The following COL15A1 variants were observed in gnomAD, a reference collection of about 807,000 sequenced individuals.
The protein encoded by COL15A1 is collagen type XV alpha 1 chain.
A neutral mutation model predicts 165.9 loss-of-function variants in COL15A1; 111 were observed. The observed-to-expected ratio is 0.67, with a 90% CI of 0.57 to 0.78. COL15A1 has a LOEUF of 0.78. Ranked by LOEUF, COL15A1 falls within the 30% of genes least tolerant of loss-of-function variation. COL15A1 has a pLI of 0.00. For missense variants in COL15A1, 1,745 were observed against 1,789.7 expected (o/e 0.98, Z 0.45); for synonymous variants, 659 against 674.8 (o/e 0.98, Z 0.36).
intron 16 of COL15A1, among the ~76,000 whole-genome samples, chr9:99,031,982 A>G (rs1839218597): frequency 6.6e-6 from 1 of 151,942 alleles, no homozygotes; most frequent in Admixed American, 6.6e-5. Flanking sequence ...GTTGAAAGTC[A>G]TTTGCCCTTG....
rs1348258112 is a variant in COL15A1 at position 99,034,551 on chromosome 9, A to G, written c.2046A>G (p.Gly682=). The G allele has an allele frequency of 2.7e-6, 4 of 1,462,550 alleles. No individual in the cohort carries two copies. The allele number at this position is 1,462,550 out of a possible 1,614,324, so 90.6% of individuals were successfully genotyped here. Residue 682 remains glycine, a splice_region_variant and synonymous_variant, in exon 17 of 42, where the codon GGA becomes GGG. Coordinates refer to ENST00000375001, the MANE Select transcript of COL15A1 (RefSeq NM_001855.5). ...GTTTTTGTTTTTGTTTTTTTCAGGG[A>G]GCAAGAGGGCCTAATGGCTCAGTTG... ...TGLPGMKGEK[G]ARGPNGSVGE...
intron 2 of COL15A1, among the ~76,000 whole-genome samples, chr9:98,966,565 C>T (rs1837961092): frequency 6.6e-6 from 1 of 152,210 alleles, no homozygotes; most frequent in African/African-American, 2.4e-5. Flanking sequence ...CCCGGTTGTT[C>T]ACATTCTCCA....
At chr9:98,984,603 G>A (rs1316361098) in intron 2 of COL15A1, among the ~76,000 whole-genome samples, 1 of 152,210 alleles carries the variant, frequency 6.6e-6, no homozygotes, top group Non-Finnish European at 1.5e-5. Flanking sequence ...GCTTAGAGCA[G>A]GGCCTGGTGC....
intron 9 of COL15A1, among the ~76,000 whole-genome samples, chr9:99,011,060 A>T (rs72737278): frequency 6.6e-6 from 1 of 152,232 alleles, no homozygotes; most frequent in Non-Finnish European, 1.5e-5. Flanking sequence ...TGAGTTGAAG[A>T]TTAGTTATTA....
In COL15A1 at chr9:99,024,840, C is replaced by T. The variant is rs532670453; in HGVS notation, c.1855-34C>T. 4.6e-5 allele frequency: 74 copies of T among 1,600,044 alleles called. 1 individual carries two copies. The South Asian group carries it at 7.3e-4, about 16-fold the overall frequency. On this transcript the variant is annotated intron_variant, in intron 14 of 41. Coordinates refer to ENST00000375001, the MANE Select transcript of COL15A1 (RefSeq NM_001855.5). Reference sequence around the variant, plus strand: ...TACTCAGTATCTCATTCGGTATTCCCCCACTGTTTCTAACAGAGTCTTTGT... The same window carrying T: ...TACTCAGTATCTCATTCGGTATTCCTCCACTGTTTCTAACAGAGTCTTTGT...
chr9:99,066,989 C>G lies in COL15A1; in HGVS notation c.3759C>G (p.Phe1253Leu), dbSNP rs1405356985. ...GACTGTTGTCCACCTACCGAGCATT[C>G]TTATCTTCCCATTTGCAAGATCTGT... ...AAGLLSTYRA[F>L]LSSHLQDLST... Residue 1253 changes from phenylalanine to leucine, a missense_variant, in exon 40 of 42, where the codon TTC (phenylalanine) becomes TTG (leucine). Coordinates refer to ENST00000375001, the MANE Select transcript of COL15A1 (RefSeq NM_001855.5). 1 of 1,614,060 alleles carries G rather than the reference C, an allele frequency of 6.2e-7. No individual in the cohort carries two copies. Among genetic ancestry groups the G allele is most frequent in the Admixed American group, 1.7e-5 (1 of 60,016 alleles).
Position 99,067,020 on chromosome 9 carries a change from A to G in COL15A1, c.3790A>G (p.Ile1264Val), listed in dbSNP as rs750531290. The G allele has an allele frequency of 2.2e-5, 35 of 1,614,058 alleles. No homozygotes were observed. In the Admixed American group the frequency reaches 5.5e-4, roughly 25 times the overall value. Residue 1264 changes from isoleucine to valine, a missense_variant, in exon 40 of 42, where the codon ATT (isoleucine) becomes GTT (valine). Transcript: ENST00000375001. ...LSSHLQDLSTIVRKAERYSLP... is the reference protein window; with the variant it reads ...LSSHLQDLSTVVRKAERYSLP... ...TTCCCATTTGCAAGATCTGTCCACC[A>G]TTGTGAGGAAAGCAGAGAGATACAG...
At chr9:99,030,516 T>A (rs1839200153) in intron 16 of COL15A1, among the ~76,000 whole-genome samples, 1 of 152,160 alleles carries the variant, frequency 6.6e-6, no homozygotes, top group Non-Finnish European at 1.5e-5. Flanking sequence ...GGCCATCTTA[T>A]CTGTGAGTCA....
At position 99,066,971 on chromosome 9, in the gene COL15A1, G is replaced by T. The variant is rs766090632; in HGVS notation, c.3741G>T (p.Leu1247Phe). 12 of 1,614,130 alleles carry T rather than the reference G, an allele frequency of 7.4e-6. No homozygotes were observed. Among genetic ancestry groups the T allele is most frequent in the Non-Finnish European group, 1.0e-5 (12 of 1,179,998 alleles). Residue 1247 changes from leucine to phenylalanine, a missense_variant, in exon 40 of 42, where the codon TTG becomes TTT. Coordinates refer to ENST00000375001, the MANE Select transcript of COL15A1 (RefSeq NM_001855.5). ...AGCAGGCCAGAGCTGCAGGACTGTT[G>T]TCCACCTACCGAGCATTCTTATCTT... ...CFKQARAAGL[L>F]STYRAFLSSH...
intron 6 of COL15A1, among the ~76,000 whole-genome samples, chr9:98,999,857 GTTTT>G (rs201063548): frequency 7.5e-6 from 1 of 134,054 alleles, no homozygotes. Flanking sequence ...ATCCATTTGC[GTTTT>G]TTTTTTTTTT....
intron 2 of COL15A1, among the ~76,000 whole-genome samples, chr9:98,977,513 A>AG (rs992573020): frequency 4.4e-4 from 67 of 152,352 alleles, no homozygotes; most frequent in African/African-American, 1.4e-3. Flanking sequence ...ACTCCAGGTC[A>AG]GGGGTCGTCC....
intron 2 of COL15A1, among the ~76,000 whole-genome samples, chr9:98,975,224 C>A (rs561961311): frequency 5.3e-5 from 8 of 152,354 alleles, no homozygotes; most frequent in African/African-American, 1.9e-4. Flanking sequence ...TGCTAACTAG[C>A]GCTAGCGCTG....
At chr9:98,985,074 G>C (rs138717452) in intron 2 of COL15A1, among the ~76,000 whole-genome samples, 1 of 152,106 alleles carries the variant, frequency 6.6e-6, no homozygotes, top group Non-Finnish European at 1.5e-5. Context: ...TTTTAGGCGT[G>C]AGCCACCATA....
intron 9 of COL15A1, among the ~76,000 whole-genome samples, chr9:99,011,851 C>T (rs1042651521): frequency 6.6e-6 from 1 of 152,090 alleles, no homozygotes; most frequent in Admixed American, 6.5e-5. Flanking sequence ...AGTTATTTCC[C>T]TGCCAACCAT....
intron 33 of COL15A1, 45 bp downstream of exon 33, chr9:99,055,196 T>C: frequency 6.3e-7 from 1 of 1,597,084 alleles, no homozygotes; most frequent in South Asian, 1.1e-5. Flanking sequence ...TTTCAGGTTT[T>C]GGTTTATGTC....
intron 2 of COL15A1, among the ~76,000 whole-genome samples, chr9:98,948,370 G>T (rs563214112): frequency 6.6e-6 from 1 of 152,076 alleles, no homozygotes; most frequent in East Asian, 1.9e-4. Context: ...AGGCTGGGGC[G>T]GGCAGATCAT....
At chr9:98,956,997 C>G (rs1334559419) in intron 2 of COL15A1, among the ~76,000 whole-genome samples, 1 of 152,228 alleles carries the variant, frequency 6.6e-6, no homozygotes, top group Non-Finnish European at 1.5e-5. Context: ...TAGGCAGGGT[C>G]ATGGCCCTCT....
At chr9:98,963,690 T>C (rs1837902740) in intron 2 of COL15A1, among the ~76,000 whole-genome samples, 1 of 152,102 alleles carries the variant, frequency 6.6e-6, no homozygotes. Flanking sequence ...AGAAAGAGTG[T>C]GGGTTTCCTC....
At chr9:99,038,815 T>C in intron 22 of COL15A1, 82 bp downstream of exon 22, 1 of 818,892 alleles carries the variant, frequency 1.2e-6, no homozygotes, top group South Asian at 1.4e-5. Flanking sequence ...TTGGAATCCT[T>C]TTAGCTCCTG....
Sources: gnomAD v4.1 joint callset for allele counts (sites outside exome capture counted in the v4.1 genomes callset) on GRCh38, gnomAD v4.1.1 for gene constraint, MANE v1.5 for transcripts, NCBI Gene and HGNC (gene_info 2026-07-23, HGNC 2026-07-21) for gene names.